Variants in NCALD observed in about 807,000 individuals in gnomAD.
NCALD encodes neurocalcin delta.
A neutral mutation model predicts 18.6 loss-of-function variants in NCALD; 10 were observed. The observed-to-expected ratio is 0.54, with a 90% CI of 0.33 to 0.91. NCALD has a LOEUF of 0.91. Ranked by LOEUF, NCALD falls within the 40% of genes least tolerant of loss-of-function variation. NCALD has a pLI of 0.03. For synonymous variants in NCALD, 88 were observed against 87.4 expected, an observed-to-expected ratio of 1.01 and a Z score of -0.04; for missense variants, 184 against 247.6, an observed-to-expected ratio of 0.74 and a Z score of 1.72.
At chr8:101,873,755 C>A (rs1306055084) in intron 4 of NCALD, among the ~76,000 whole-genome samples, 2 of 152,202 alleles carry the variant, frequency 1.3e-5, no homozygotes, top group African/African-American at 4.8e-5. Context: ...AAGCCCTGAG[C>A]TTGGGGTAGA....
chr8:101,966,210 AC>A (rs1402169355), intron 2 of NCALD, among the ~76,000 whole-genome samples: 30 of 152,090 alleles, frequency 2.0e-4, no homozygotes, highest in Non-Finnish European at 1.3e-4. Context: ...GAGAAAAGTT[AC>A]CCATTTTTTA....
chr8:101,775,430 G>A (rs1446400654), intron 1 of NCALD, among the ~76,000 whole-genome samples: 1 of 152,164 alleles, frequency 6.6e-6, no homozygotes, highest in African/African-American at 2.4e-5. Flanking sequence ...TGTGCGTTAA[G>A]AATCACCACA....
At chr8:101,943,540 G>T (rs2131767638) in intron 2 of NCALD, among the ~76,000 whole-genome samples, 1 of 152,270 alleles carries the variant, frequency 6.6e-6, no homozygotes, top group East Asian at 1.9e-4. Flanking sequence ...ATATCTGGGG[G>T]CATGACAGAT....
At chr8:101,930,507 G>A (rs572788605) in intron 2 of NCALD, among the ~76,000 whole-genome samples, 3 of 151,982 alleles carry the variant, frequency 2.0e-5, no homozygotes, top group Non-Finnish European at 4.4e-5. Context: ...TGAGCTCACA[G>A]TGCCTCCGGC....
chr8:102,012,289 T>C (rs572022252), intron 2 of NCALD, among the ~76,000 whole-genome samples: 7 of 152,190 alleles, frequency 4.6e-5, no homozygotes, highest in African/African-American at 1.4e-4. Context: ...AAGCAACTGA[T>C]TGGACAGCAC....
At chr8:101,801,112 GAAAC>G (rs984711055) in intron 4 of NCALD, among the ~76,000 whole-genome samples, 3 of 151,734 alleles carry the variant, frequency 2.0e-5, no homozygotes, top group South Asian at 4.2e-4. Context: ...GAAAGAGAAA[GAAAC>G]AAAGAAAGAA....
chr8:102,077,135 C>G (rs1184074995), intron 1 of NCALD, among the ~76,000 whole-genome samples: 1 of 152,114 alleles, frequency 6.6e-6, no homozygotes, highest in East Asian at 1.9e-4. Flanking sequence ...TTTGCAGAGG[C>G]TGGTGGAGGG....
At chr8:101,972,948 T>C (rs1007228258) in intron 2 of NCALD, among the ~76,000 whole-genome samples, 29 of 152,066 alleles carry the variant, frequency 1.9e-4, no homozygotes, top group African/African-American at 5.8e-4. Flanking sequence ...TTAAGAGGAA[T>C]TGGATGAGCC....
At chr8:101,913,304 G>T (rs929081471) in intron 3 of NCALD, among the ~76,000 whole-genome samples, 4 of 152,128 alleles carry the variant, frequency 2.6e-5, no homozygotes, top group Non-Finnish European at 4.4e-5. Flanking sequence ...AAAAAGCTCT[G>T]ATTTGCCAAT....
intron 2 of NCALD, among the ~76,000 whole-genome samples, chr8:101,716,202 A>G (rs1009713050): frequency 6.6e-6 from 1 of 152,186 alleles, no homozygotes; most frequent in Non-Finnish European, 1.5e-5. Flanking sequence ...CATCATTCTC[A>G]GCAAACTAAC....
At chr8:101,768,960 G>A (rs996939181) in intron 1 of NCALD, among the ~76,000 whole-genome samples, 2 of 152,112 alleles carry the variant, frequency 1.3e-5, no homozygotes, top group Non-Finnish European at 1.5e-5. Flanking sequence ...GGATTATTCA[G>A]GTGTGTCCAG....
chr8:101,868,469 CTAAG>C (rs1352255576), intron 4 of NCALD, among the ~76,000 whole-genome samples: 1 of 152,152 alleles, frequency 6.6e-6, no homozygotes, highest in Non-Finnish European at 1.5e-5. Context: ...CTTGTCACAC[CTAAG>C]TAACAAAAGG....
intron 1 of NCALD, among the ~76,000 whole-genome samples, chr8:102,050,196 T>TAG (rs1223976322): frequency 0.062 from 5,343 of 86,754 alleles, 249 homozygotes; most frequent in Middle Eastern, 0.094. Context: ...AAAAAAAAAA[T>TAG]TGAGCTGTTT....
At chr8:102,047,205 T>A (rs1380960382) in intron 1 of NCALD, among the ~76,000 whole-genome samples, 1 of 152,240 alleles carries the variant, frequency 6.6e-6, no homozygotes, top group Non-Finnish European at 1.5e-5. Context: ...GTTTTCTTTA[T>A]CCAATCTGTC....
intron 1 of NCALD, among the ~76,000 whole-genome samples, chr8:101,728,208 G>A (rs1175199564): frequency 2.6e-5 from 4 of 152,204 alleles, no homozygotes; most frequent in African/African-American, 4.8e-5. Context: ...TAGTGAACAG[G>A]CTTTCAGGAT....
chr8:102,106,899 T>C (rs1426001359), intron 1 of NCALD, among the ~76,000 whole-genome samples: 1 of 152,080 alleles, frequency 6.6e-6, no homozygotes, highest in Non-Finnish European at 1.5e-5. Flanking sequence ...ACCACTCTCC[T>C]ATGACACTTC....
intron 1 of NCALD, among the ~76,000 whole-genome samples, chr8:102,027,753 T>C (rs1277531886): frequency 6.6e-6 from 1 of 152,210 alleles, no homozygotes; most frequent in African/African-American, 2.4e-5. Context: ...GAGGTTTAAT[T>C]GACTCACAGT....
chr8:102,111,412 ATGTG>A (rs57126471), intron 1 of NCALD, among the ~76,000 whole-genome samples: 5,256 of 147,690 alleles, frequency 0.036, 130 homozygotes, highest in Non-Finnish European at 0.053. Flanking sequence ...GTCTAAAGAG[ATGTG>A]TGTGTGTGTG....
At chr8:101,979,490 C>A (rs1820538992) in intron 2 of NCALD, among the ~76,000 whole-genome samples, 1 of 152,152 alleles carries the variant, frequency 6.6e-6, no homozygotes, top group Non-Finnish European at 1.5e-5. Flanking sequence ...AAAATAGAGT[C>A]CTATAGCACT....
Sources: gnomAD v4.1 joint callset for allele counts (sites outside exome capture counted in the v4.1 genomes callset) on GRCh38, gnomAD v4.1.1 for gene constraint, MANE v1.5 for transcripts, NCBI Gene and HGNC (gene_info 2026-07-23, HGNC 2026-07-21) for gene names.